Variants in MALRD1 observed in about 807,000 individuals in gnomAD.
MALRD1 encodes the protein MAM and LDL receptor class A domain containing 1.
In MALRD1, 247 loss-of-function variants were observed where a neutral mutation model predicts 242.1. The observed-to-expected ratio is 1.02, with a 90% CI of 0.92 to 1.13. MALRD1 has a LOEUF of 1.13. Among genes scored for constraint, MALRD1 ranks in the 50% most tolerant of loss-of-function variants. The pLI is 0.00. For missense variants in MALRD1, 2,989 were observed against 2,533.1 expected (o/e 1.18, Z -3.86); for synonymous variants, 995 against 866.6 (o/e 1.15, Z -2.60).
intron 29 of MALRD1, among the ~76,000 whole-genome samples, chr10:19,471,787 C>A (rs1318155292): frequency 6.6e-6 from 1 of 151,690 alleles, no homozygotes; most frequent in Non-Finnish European, 1.5e-5. Context: ...TGCAACTTTA[C>A]AAAATTTGTT....
intron 28 of MALRD1, among the ~76,000 whole-genome samples, chr10:19,448,217 A>G (rs1683858992): frequency 6.6e-6 from 1 of 152,096 alleles, no homozygotes; most frequent in Admixed American, 6.6e-5. Flanking sequence ...TCTTTAAATT[A>G]TGTGTAAATT....
intron 29 of MALRD1, among the ~76,000 whole-genome samples, chr10:19,479,131 A>C (rs1271773164): frequency 6.6e-6 from 1 of 152,214 alleles, no homozygotes; most frequent in Non-Finnish European, 1.5e-5. Flanking sequence ...GTTTTGTGCT[A>C]GTATTGAGTA....
At chr10:19,109,066 C>T (rs1836579872) in intron 5 of MALRD1, among the ~76,000 whole-genome samples, 1 of 152,140 alleles carries the variant, frequency 6.6e-6, no homozygotes, top group African/African-American at 2.4e-5. Flanking sequence ...GGTACACTGA[C>T]TTTGGTTCCA....
At chr10:19,527,849 C>T (rs573477574) in intron 31 of MALRD1, among the ~76,000 whole-genome samples, 119 of 152,242 alleles carry the variant, frequency 7.8e-4, no homozygotes, top group African/African-American at 2.7e-3. Context: ...TGATAAAGTG[C>T]AGTCTAAATG....
chr10:19,634,344 T>C (rs1326988), intron 36 of MALRD1, among the ~76,000 whole-genome samples: 8,007 of 152,120 alleles, frequency 0.053, 266 homozygotes, highest in Middle Eastern at 0.096. Context: ...GGGGAAGAAA[T>C]GCTGCTAAAT....
At chr10:19,356,952 T>C (rs1426964966) in intron 26 of MALRD1, among the ~76,000 whole-genome samples, 1 of 151,730 alleles carries the variant, frequency 6.6e-6, no homozygotes, top group African/African-American at 2.4e-5. Context: ...CTACTAAAAA[T>C]ACAAAAATTA....
intron 36 of MALRD1, among the ~76,000 whole-genome samples, chr10:19,688,255 G>A (rs959122899): frequency 6.6e-6 from 1 of 152,132 alleles, no homozygotes; most frequent in South Asian, 2.1e-4. Context: ...ACAGGCATGA[G>A]CCACTGTGCC....
At chr10:19,301,523 T>G (rs1395209357) in intron 21 of MALRD1, among the ~76,000 whole-genome samples, 1 of 151,862 alleles carries the variant, frequency 6.6e-6, no homozygotes, top group Non-Finnish European at 1.5e-5. Flanking sequence ...CATAGAACAC[T>G]ATGCAGCCAT....
chr10:19,700,019 TAGACAC>T (rs1413752546), intron 38 of MALRD1, among the ~76,000 whole-genome samples: 18 of 119,508 alleles, frequency 1.5e-4, no homozygotes, highest in African/African-American at 5.5e-4. Flanking sequence ...GAAATTGATT[TAGACAC>T]ACACACACAC....
chr10:19,635,991 C>T (rs928167076), intron 36 of MALRD1, among the ~76,000 whole-genome samples: 7 of 152,072 alleles, frequency 4.6e-5, no homozygotes, highest in South Asian at 2.1e-4. Flanking sequence ...ACCTCCTCTT[C>T]CTGGGTTCAA....
intron 19 of MALRD1, among the ~76,000 whole-genome samples, chr10:19,275,980 A>G (rs2131863611): frequency 6.6e-6 from 1 of 152,314 alleles, no homozygotes; most frequent in South Asian, 2.1e-4. Context: ...TTGGAACACA[A>G]ATTTACCCAT....
chr10:19,593,066 C>A (rs1837901430), intron 33 of MALRD1, among the ~76,000 whole-genome samples: 1 of 150,696 alleles, frequency 6.6e-6, no homozygotes. Flanking sequence ...GGAAAGATTA[C>A]AGAGAAACTA....
At chr10:19,182,284 T>C (rs968158842) in intron 14 of MALRD1, among the ~76,000 whole-genome samples, 8 of 151,516 alleles carry the variant, frequency 5.3e-5, no homozygotes, top group Non-Finnish European at 1.0e-4. Context: ...TCTTATCAGT[T>C]AGAATTCCAT....
intron 18 of MALRD1, among the ~76,000 whole-genome samples, chr10:19,238,043 C>A (rs186789373): frequency 0.3 from 101 of 342 alleles, 6 homozygotes; most frequent in African/African-American, 0.34. Flanking sequence ...ATATATAATT[C>A]TATGTAATTT....
chr10:19,522,214 C>T (rs997528414), intron 31 of MALRD1, among the ~76,000 whole-genome samples: 1 of 152,020 alleles, frequency 6.6e-6, no homozygotes, highest in African/African-American at 2.4e-5. Context: ...TTCTTATGTT[C>T]TTCTTCTACA....
chr10:19,492,261 G>A (rs1837525404), intron 30 of MALRD1, among the ~76,000 whole-genome samples: 1 of 152,044 alleles, frequency 6.6e-6, no homozygotes, highest in Non-Finnish European at 1.5e-5. Flanking sequence ...TGGAAAAAAA[G>A]GATATTTTTT....
intron 33 of MALRD1, among the ~76,000 whole-genome samples, chr10:19,571,707 ATTCATTTATGTG>A: frequency 6.6e-6 from 1 of 152,248 alleles, no homozygotes; most frequent in South Asian, 2.1e-4. Context: ...TTTTTTCAGT[ATTCATTTATGTG>A]TTCATACTTC....
intron 26 of MALRD1, among the ~76,000 whole-genome samples, chr10:19,386,219 A>G (rs1203577031): frequency 6.6e-6 from 1 of 152,134 alleles, no homozygotes; most frequent in Non-Finnish European, 1.5e-5. Flanking sequence ...ATGAGGTTGT[A>G]TCACCAGCCG....
At chr10:19,110,872 A>T (rs538934029) in intron 5 of MALRD1, among the ~76,000 whole-genome samples, 3 of 152,178 alleles carry the variant, frequency 2.0e-5, no homozygotes, top group Non-Finnish European at 2.9e-5. Context: ...GGCTAATCAC[A>T]TTCAAAGGAG....
Sources: gnomAD v4.1 joint callset for allele counts (sites outside exome capture counted in the v4.1 genomes callset) on GRCh38, gnomAD v4.1.1 for gene constraint, MANE v1.5 for transcripts, NCBI Gene and HGNC (gene_info 2026-07-23, HGNC 2026-07-21) for gene names.